RBFOX1: variants seen among roughly 807,000 people sequenced by gnomAD.
RBFOX1 encodes the protein RNA binding fox-1 homolog 1.
Under a neutral mutation model 57.7 loss-of-function variants are expected in RBFOX1, and 8 were observed. That is an observed-to-expected ratio of 0.14 (90% CI 0.08 to 0.25). The LOEUF (loss-of-function observed/expected upper bound fraction) is 0.25, where lower values mean the gene tolerates loss of function less well. Ranked by LOEUF, RBFOX1 falls within the 10% of genes least tolerant of loss-of-function variation. RBFOX1 has a pLI of 1.00. For missense variants in RBFOX1, 611 were observed against 548.5 expected, an observed-to-expected ratio of 1.11 and a Z score of -1.14; for synonymous variants, 326 against 222.4, an observed-to-expected ratio of 1.47 and a Z score of -4.15.
chr16:7,178,856 C>T (rs1403576344), intron 4 of RBFOX1, among the ~76,000 whole-genome samples: 1 of 152,130 alleles, frequency 6.6e-6, no homozygotes, highest in Non-Finnish European at 1.5e-5. Flanking sequence ...ATACTTCATA[C>T]TTCTTTACTT....
At chr16:5,350,187 C>G (rs140615666) in intron 1 of RBFOX1, among the ~76,000 whole-genome samples, 176 of 152,278 alleles carry the variant, frequency 1.2e-3, no homozygotes, top group African/African-American at 4.1e-3. Context: ...TGGGAAACAG[C>G]AGCTGTCTGG....
At chr16:6,890,331 C>G (rs1328599162) in intron 3 of RBFOX1, among the ~76,000 whole-genome samples, 9 of 152,092 alleles carry the variant, frequency 5.9e-5, no homozygotes, top group Admixed American at 5.9e-4. Context: ...CCAGCCTGGC[C>G]TACAAGGTGA....
In RBFOX1 at chr16:7,084,835, TTGTC is replaced by T. The variant is rs577566060; in HGVS notation, c.27+32751_27+32754del. Among the ~76,000 whole-genome samples the T allele has an allele frequency of 2.4e-3, 368 of 152,262 alleles. 2 individuals are homozygous for T. The highest frequency in any genetic ancestry group is 7.7e-3 in the African/African-American group (319 of 41,518). ...TCATGTCTGTCTGTATCTGGCAATC[TTGTC>T]TGTCTGTCTGTCTTTCTGTCTATCT... On this transcript the variant is annotated intron_variant, in intron 4 of 15. Coordinates refer to ENST00000550418, the MANE Select transcript of RBFOX1 (RefSeq NM_018723.4).
At position 7,166,972 on chromosome 16, in the gene RBFOX1, CTTTTTTTTTTTTTTT is replaced by C. The variant is rs537293692; in HGVS notation, c.27+114895_27+114909del. ...AGCCCCAGATTGCTGCATTGGTGTT[CTTTTTTTTTTTTTTT>C]TTTTTTTTTTTTTTTTTTTTGACAG... On this transcript the variant is annotated intron_variant, in intron 4 of 15. Transcript: ENST00000550418. 5.9e-4 allele frequency among the ~76,000 whole-genome samples: 29 copies of C among 49,116 alleles called. No homozygotes were observed. The Middle Eastern group carries it at 0.052, about 88-fold the overall frequency. The allele number at this position is 49,116 out of a possible 152,430, so 32.2% of individuals were successfully genotyped here.
chr16:7,094,883 C>G (rs1199044286), intron 4 of RBFOX1, among the ~76,000 whole-genome samples: 4 of 151,890 alleles, frequency 2.6e-5, no homozygotes, highest in African/African-American at 9.7e-5. Flanking sequence ...ATAACGTGTT[C>G]TCTTTAATCA....
intron 2 of RBFOX1, among the ~76,000 whole-genome samples, chr16:6,461,313 C>T (rs1449313269): frequency 6.6e-6 from 1 of 152,110 alleles, no homozygotes; most frequent in Non-Finnish European, 1.5e-5. Context: ...TTAGAGCCTA[C>T]CCTTATGGAT....
chr16:7,480,137 C>G (rs903188735), intron 4 of RBFOX1, among the ~76,000 whole-genome samples: 1 of 152,174 alleles, frequency 6.6e-6, no homozygotes, highest in African/African-American at 2.4e-5. Context: ...TCTTGTTAAG[C>G]CTGTGTGTCT....
intron 1 of RBFOX1, among the ~76,000 whole-genome samples, chr16:6,074,271 C>G (rs552566014): frequency 3.3e-5 from 5 of 152,146 alleles, no homozygotes; most frequent in Non-Finnish European, 7.4e-5. Flanking sequence ...CTCTCTCCCC[C>G]TCTCTGTTTC....
At chr16:7,139,459 A>G (rs2073042333) in intron 4 of RBFOX1, among the ~76,000 whole-genome samples, 1 of 152,112 alleles carries the variant, frequency 6.6e-6, no homozygotes, top group Admixed American at 6.6e-5. Flanking sequence ...TGTTTGAGTG[A>G]TGGAAGAGAG....
chr16:6,596,575 T>A (rs2097778712), intron 2 of RBFOX1, among the ~76,000 whole-genome samples: 1 of 143,240 alleles, frequency 7.0e-6, no homozygotes, highest in African/African-American at 3.0e-5. Flanking sequence ...AAGAGATGGG[T>A]AATTCTTAAT....
chr16:6,845,586 T>C (rs2093711152), intron 3 of RBFOX1, among the ~76,000 whole-genome samples: 1 of 152,208 alleles, frequency 6.6e-6, no homozygotes. Flanking sequence ...ATTGTAGCCT[T>C]GTAGGTAATC....
At chr16:6,618,696 TAGAA>T (rs2098179372) in intron 2 of RBFOX1, among the ~76,000 whole-genome samples, 1 of 152,106 alleles carries the variant, frequency 6.6e-6, no homozygotes, top group African/African-American at 2.4e-5. Context: ...GTGTTGGTAT[TAGAA>T]AGGGAAAGCA....
chr16:5,899,872 G>A (rs964197223), intron 4 of RBFOX1, among the ~76,000 whole-genome samples: 2 of 152,168 alleles, frequency 1.3e-5, no homozygotes, highest in Non-Finnish European at 2.9e-5. Flanking sequence ...CCAGGAGTTC[G>A]AGACTAGCCT....
rs574403515 is a variant in RBFOX1, at chr16:7,335,123, G to A, written c.28-183024G>A. Reference sequence around the variant, plus strand: ...CACCCCAGTGCAGTAATATTTGCAAGGGGAGAAAGGGCAGTGCAAAGGGAG... The same window carrying A: ...CACCCCAGTGCAGTAATATTTGCAAAGGGAGAAAGGGCAGTGCAAAGGGAG... On this transcript the variant is annotated intron_variant, in intron 4 of 15. Coordinates refer to ENST00000550418, the MANE Select transcript of RBFOX1 (RefSeq NM_018723.4). Among the ~76,000 whole-genome samples, 226 of 152,302 alleles carry A rather than the reference G, an allele frequency of 1.5e-3. 1 individual carries two copies. Among genetic ancestry groups the A allele is most frequent in the Non-Finnish European group, 1.8e-3 (120 of 68,024 alleles).
At chr16:6,071,992 C>A (rs186493240) in intron 1 of RBFOX1, among the ~76,000 whole-genome samples, 3 of 152,190 alleles carry the variant, frequency 2.0e-5, no homozygotes, top group African/African-American at 7.2e-5. Flanking sequence ...AGTCAGTTCT[C>A]ACATTGCTAA....
intron 3 of RBFOX1, among the ~76,000 whole-genome samples, chr16:5,814,696 A>T (rs867348081): frequency 6.6e-6 from 1 of 152,178 alleles, no homozygotes; most frequent in Non-Finnish European, 1.5e-5. Context: ...TGGGAGGCCG[A>T]GGCGGGTGGA....
chr16:7,228,141 G>C (rs1225566285), intron 4 of RBFOX1, among the ~76,000 whole-genome samples: 1 of 152,148 alleles, frequency 6.6e-6, no homozygotes, highest in African/African-American at 2.4e-5. Context: ...GAGAGTATCA[G>C]ACTGTAAGTT....
intron 4 of RBFOX1, among the ~76,000 whole-genome samples, chr16:7,406,426 T>C (rs944028404): frequency 3.3e-5 from 5 of 152,224 alleles, no homozygotes; most frequent in Non-Finnish European, 7.3e-5. Context: ...CTTGTTTTCA[T>C]CCAGTCCCTT....
At chr16:6,579,720 C>G (rs1337640685) in intron 2 of RBFOX1, among the ~76,000 whole-genome samples, 1 of 152,048 alleles carries the variant, frequency 6.6e-6, no homozygotes, top group African/African-American at 2.4e-5. Flanking sequence ...TCTTTAGTAG[C>G]AGCGTGGGAA....
Sources: gnomAD v4.1 joint callset for allele counts (sites outside exome capture counted in the v4.1 genomes callset) on GRCh38, gnomAD v4.1.1 for gene constraint, MANE v1.5 for transcripts, NCBI Gene and HGNC (gene_info 2026-07-23, HGNC 2026-07-21) for gene names.